The following KMT2C variants were observed in gnomAD, a reference collection of about 807,000 sequenced individuals.
KMT2C encodes the protein histone-lysine N-methyltransferase 2C.
In KMT2C, 88 loss-of-function variants were observed where a neutral mutation model predicts 507.9. That is an observed-to-expected ratio of 0.17 (90% CI 0.15 to 0.21). KMT2C has a LOEUF of 0.21. Among genes scored for constraint, KMT2C ranks in the 10% least tolerant of loss-of-function variants. KMT2C has a pLI of 1.00. For missense variants in KMT2C, 4,954 were observed against 5,957.8 expected (o/e 0.83, Z 5.55); for synonymous variants, 2,049 against 2,080.8 (o/e 0.98, Z 0.42).
chr7:152,137,060 C>T, intron 58 of KMT2C, 136 bp from the exon 59 acceptor site: 1 of 674,554 alleles, frequency 1.5e-6, no homozygotes, highest in South Asian at 1.8e-5. Context: ...ATTGAGGTTC[C>T]ATGGGACCCT....
At chr7:152,323,285 A>G (rs2096788615) in intron 3 of KMT2C, among the ~76,000 whole-genome samples, 1 of 152,098 alleles carries the variant, frequency 6.6e-6, no homozygotes, top group Non-Finnish European at 1.5e-5. Flanking sequence ...GTATCCATCA[A>G]TAGATGAATG....
intron 31 of KMT2C, among the ~76,000 whole-genome samples, chr7:152,191,463 A>G (rs890391943): frequency 1.4e-4 from 21 of 152,110 alleles, no homozygotes; most frequent in Admixed American, 1.4e-3. Context: ...TTTCTCTCGT[A>G]TCTATTCCTT....
chr7:152,153,759 T>A (rs1376483789), intron 48 of KMT2C, among the ~76,000 whole-genome samples: 2 of 150,444 alleles, frequency 1.3e-5, no homozygotes, highest in Admixed American at 1.3e-4. Context: ...AAGAGTTCTC[T>A]AAAGTATACA....
intron 3 of KMT2C, among the ~76,000 whole-genome samples, chr7:152,328,241 G>A (rs116764547): frequency 0.012 from 1,837 of 152,308 alleles, 43 homozygotes; most frequent in African/African-American, 0.043. Flanking sequence ...TATTGGAGGA[G>A]GAGGAGAGGA....
intron 38 of KMT2C, among the ~76,000 whole-genome samples, chr7:152,175,819 T>A (rs572261754): frequency 6.6e-6 from 1 of 152,294 alleles, no homozygotes; most frequent in East Asian, 1.9e-4. Flanking sequence ...AGCAGGCGGA[T>A]CACCTGAGGT....
At chr7:152,422,249 C>T (rs2097781482) in intron 1 of KMT2C, among the ~76,000 whole-genome samples, 1 of 148,930 alleles carries the variant, frequency 6.7e-6, no homozygotes, top group Non-Finnish European at 1.5e-5. Context: ...TATTTCGAGA[C>T]CAGCCTGGCC....
Position 152,362,749 on chromosome 7 carries a change from G to A in KMT2C, c.162-4074C>T, listed in dbSNP as rs539734153. 3.9e-5 allele frequency among the ~76,000 whole-genome samples: 6 copies of A among 152,170 alleles called. No homozygotes were observed. The South Asian group carries it at 6.2e-4, about 16-fold the overall frequency. On this transcript the variant is annotated intron_variant, in intron 1 of 58. Coordinates refer to ENST00000262189, the MANE Select transcript of KMT2C (RefSeq NM_170606.3). Reference sequence around the variant, plus strand: ...GCACAACTGGCTTTATTTCAAGCTCGTTCTGTCTAGTTTATAATCTCTATC... The same window carrying A: ...GCACAACTGGCTTTATTTCAAGCTCATTCTGTCTAGTTTATAATCTCTATC...
Position 152,248,527 on chromosome 7 carries a change from T to C in KMT2C, c.1907A>G (p.His636Arg). 10 of 1,614,064 alleles carry C rather than the reference T, an allele frequency of 6.2e-6. No homozygotes were observed. The highest frequency in any genetic ancestry group is 8.5e-6 in the Non-Finnish European group (10 of 1,179,948). The change falls in exon 14 of 59, where the codon CAT (histidine) becomes CGT (arginine). Residue 636 changes from histidine to arginine, a missense_variant. Physicochemically the swap from His to Arg is conservative, Grantham distance 29 (BLOSUM62 0). Transcript: ENST00000262189. ...EDLKMSSEVK[H>R]ICGEDQIEDK... ...TTCAATTTGATCTTCGCCACAAATA[T>C]GCTTCACTTCAGAAGACATTTTCAG...
At chr7:152,390,324 G>T (rs867729933) in intron 1 of KMT2C, among the ~76,000 whole-genome samples, 956 of 135,314 alleles carry the variant, frequency 7.1e-3, no homozygotes, top group African/African-American at 0.022. Flanking sequence ...TTACCTTACT[G>T]TTTATCATTT....
rs2129120066 is a variant in KMT2C at position 152,181,549 on chromosome 7, G to C, written c.6311C>G (p.Ala2104Gly). 1 of 1,614,026 alleles carries C rather than the reference G, an allele frequency of 6.2e-7. No individual in the cohort carries two copies. The highest frequency in any genetic ancestry group is 8.5e-7 in the Non-Finnish European group (1 of 1,179,964). ...AGGATGGGCAAAAGATTCATTCACTGCTGGATGTGGGGTAAGGGGAGGCTG... is the reference window on the plus strand; with the variant it reads ...AGGATGGGCAAAAGATTCATTCACTCCTGGATGTGGGGTAAGGGGAGGCTG... The part of the protein sequence containing the change: ...YSQPPLTPHP[A>G]VNESFAHPSR... The change falls in exon 36 of 59, where the codon GCA becomes GGA. Residue 2104 changes from alanine to glycine, a missense_variant. By Grantham distance (60) the Ala-to-Gly change is moderately conservative. Transcript: ENST00000262189.
intron 18 of KMT2C, among the ~76,000 whole-genome samples, chr7:152,225,376 G>A (rs184413947): frequency 0.012 from 1,876 of 152,254 alleles, 18 homozygotes; most frequent in Non-Finnish European, 0.02. Flanking sequence ...TACCAGAGAA[G>A]AAAATAAAAG....
intron 22 of KMT2C, 137 bp from the exon 23 acceptor site, chr7:152,220,872 T>A: frequency 1.6e-6 from 1 of 643,226 alleles, no homozygotes; most frequent in Non-Finnish European, 2.7e-6. Context: ...AATGCATGAA[T>A]AATTAACTTC....
chr7:152,297,013 G>GAAAGAAAT (rs2096508412), intron 6 of KMT2C, among the ~76,000 whole-genome samples: 1 of 76,234 alleles, frequency 1.3e-5, no homozygotes, highest in African/African-American at 7.3e-5. Context: ...AAGAAAGAAA[G>GAAAGAAAT]AAAGAAAGAA....
At chr7:152,201,079 A>T (rs1267241148) in intron 26 of KMT2C, among the ~76,000 whole-genome samples, 4 of 152,126 alleles carry the variant, frequency 2.6e-5, no homozygotes, top group Non-Finnish European at 5.9e-5. Context: ...CTTCAGTATA[A>T]ATCTGAGAAA....
rs559711075 is a variant in KMT2C at position 152,315,392 on chromosome 7, G to T, written c.390-54C>A. On this transcript the variant is annotated intron_variant, in intron 3 of 58. Transcript: ENST00000262189. The stretch of plus-strand genomic sequence containing the variant: ...AGGAGAAAAGTAGCTTTATTCAACT[G>T]CTTTAAGCGATAACTATAGATACTT... 7.2e-6 allele frequency: 9 copies of T among 1,250,424 alleles called. No homozygotes were observed. The East Asian group carries it at 1.6e-4, about 23-fold the overall frequency. The allele number at this position is 1,250,424 out of a possible 1,614,324, so 77.5% of individuals were successfully genotyped here.
chr7:152,252,649 A>C lies in KMT2C; in HGVS notation c.1366T>G (p.Cys456Gly). 1 of 1,613,584 alleles carries C rather than the reference A, an allele frequency of 6.2e-7. No homozygotes were observed. The highest frequency in any genetic ancestry group is 8.5e-7 in the Non-Finnish European group (1 of 1,179,590). Residue 456 changes from cysteine (C) to glycine (G), a missense_variant, in exon 10 of 59, where the codon TGT becomes GGT. By Grantham distance (159) the Cys-to-Gly change is radical. Around this residue, in one of 29 missense-constraint regions of KMT2C, gnomAD observed 376 missense variants for 352.4 expected, o/e 1.07. Transcript: ENST00000262189. ...SSQWHHNCLI[C>G]DNCYQQQDNL... ...TCCTGCTGTTGGTAACAATTGTCAC[A>C]TATCAGGCAATTGTGGTGCCACTGA...
rs762705163 is a variant in KMT2C at position 152,163,091 on chromosome 7, G to C, written c.10486C>G (p.Pro3496Ala). Residue 3496 changes from proline to alanine, a missense_variant, in exon 43 of 59, where the codon CCC (proline) becomes GCC (alanine). Physicochemically the swap from Pro to Ala is conservative, Grantham distance 27. This residue lies in a region of KMT2C where 801 missense variants were observed against 751.2 expected (regional missense o/e 1.07). Coordinates refer to ENST00000262189, the MANE Select transcript of KMT2C (RefSeq NM_170606.3). Reference sequence around the variant, plus strand: ...GTCTGCATGAAAGTTTGGGTGGAGGGTGAATTAATTGATCCTTGTTGTATA... The same window carrying C: ...GTCTGCATGAAAGTTTGGGTGGAGGCTGAATTAATTGATCCTTGTTGTATA... ...QNIQQGSINS[P>A]STQTFMQTNE... The C allele has an allele frequency of 6.2e-7, 1 of 1,614,224 alleles. No individual in the cohort carries two copies. The highest frequency in any genetic ancestry group is 8.5e-7 in the Non-Finnish European group (1 of 1,180,036).
At chr7:152,159,317 G>T (rs1385299051) in intron 43 of KMT2C, among the ~76,000 whole-genome samples, 1 of 152,206 alleles carries the variant, frequency 6.6e-6, no homozygotes, top group Non-Finnish European at 1.5e-5. Flanking sequence ...CATTAGTAAG[G>T]CCACAGCCCT....
In KMT2C at chr7:152,320,885, C is replaced by G. The variant is rs115516790; in HGVS notation, c.390-5547G>C. ...TAGCAAGTGACCAACATCATGCAGG[C>G]AACATTCTCTGACAATAATGCAGTA... On this transcript the variant is annotated intron_variant, in intron 3 of 58. Transcript: ENST00000262189. 8.6e-3 allele frequency among the ~76,000 whole-genome samples: 1,314 copies of G among 152,024 alleles called. 22 individuals are homozygous for G. The highest frequency in any genetic ancestry group is 0.03 in the African/African-American group (1,266 of 41,524).
Sources: allele counts gnomAD v4.1 joint callset (sites outside exome capture counted in the v4.1 genomes callset), GRCh38; gene constraint gnomAD v4.1.1; regional missense constraint gnomAD v4.1.1; transcripts MANE v1.5; gene names NCBI Gene and HGNC (gene_info 2026-07-23, HGNC 2026-07-21).